Variants in COL4A4 observed in about 807,000 individuals in gnomAD.
The protein encoded by COL4A4 is collagen type IV alpha 4 chain, also known as collagen alpha-4(IV) chain.
COL4A4 carries 105 observed loss-of-function variants against 192.9 expected under a neutral mutation model. That is an observed-to-expected ratio of 0.54 (90% CI 0.46 to 0.64). COL4A4 has a LOEUF of 0.64. Among genes scored for constraint, COL4A4 ranks in the 30% least tolerant of loss-of-function variants. COL4A4 has a pLI of 0.00. For missense variants in COL4A4, 1,967 were observed against 2,169.3 expected (o/e 0.91, Z 1.85); for synonymous variants, 762 against 769.9 (o/e 0.99, Z 0.17).
the COL4A4 span, among the ~76,000 whole-genome samples, chr2:226,974,972 C>T: frequency 6.6e-6 from 1 of 152,202 alleles, no homozygotes; most frequent in Non-Finnish European, 1.5e-5. Context: ...AGTTCCACTG[C>T]TCTGATGGCC....
intron 20 of COL4A4, among the ~76,000 whole-genome samples, chr2:227,090,848 C>A: frequency 6.8e-6 from 1 of 147,908 alleles, no homozygotes. Flanking sequence ...CCAGCAACAA[C>A]CAAGTAAAAG....
At position 227,050,154 on chromosome 2, in the gene COL4A4, G is replaced by C. The variant is rs761389405; in HGVS notation, c.3151-23C>G. ...ACCCTGACAGTTTAATGAAACAAAA[G>C]GCCTTAATCAGATTTCAAATACAAA... On this transcript the variant is annotated intron_variant, in intron 33 of 47. Transcript: ENST00000396625. 6.8e-6 allele frequency: 11 copies of C among 1,606,908 alleles called. No homozygotes were observed. In the Admixed American group the frequency reaches 1.8e-4, roughly 27 times the overall value.
In COL4A4 at chr2:227,120,475, T is replaced by G. The variant is rs776947126; in HGVS notation, c.328-536A>C. Reference sequence around the variant, plus strand: ...TATAATTAATGTCATGTAGGTTTTTTAAAAAGCCATGAAACAATATAACTT... The same window carrying G: ...TATAATTAATGTCATGTAGGTTTTTGAAAAAGCCATGAAACAATATAACTT... On this transcript the variant is annotated intron_variant, in intron 5 of 47. Transcript: ENST00000396625. 4.6e-4 allele frequency among the ~76,000 whole-genome samples: 70 copies of G among 152,274 alleles called. 1 individual carries two copies. The highest frequency in any genetic ancestry group is 7.4e-4 in the Non-Finnish European group (50 of 68,014).
chr2:227,163,112 T>C (rs2064983515), intron 1 of COL4A4, among the ~76,000 whole-genome samples: 1 of 152,194 alleles, frequency 6.6e-6, no homozygotes, highest in Non-Finnish European at 1.5e-5. Context: ...ATTCTTAACC[T>C]GAGGATGGAA....
At chr2:227,021,373 C>G (rs895864691) in intron 44 of COL4A4, among the ~76,000 whole-genome samples, 1 of 152,150 alleles carries the variant, frequency 6.6e-6, no homozygotes, top group Non-Finnish European at 1.5e-5. Flanking sequence ...TGTTTCCGCT[C>G]CACCAAGCCC....
At chr2:227,091,811 G>C (rs898954084) in intron 20 of COL4A4, among the ~76,000 whole-genome samples, 1 of 151,838 alleles carries the variant, frequency 6.6e-6, no homozygotes, top group Non-Finnish European at 1.5e-5. Flanking sequence ...TAGAAGAATC[G>C]CTTGAACCAG....
chr2:227,158,850 A>G (rs918759349), intron 1 of COL4A4, among the ~76,000 whole-genome samples: 1 of 152,178 alleles, frequency 6.6e-6, no homozygotes, highest in Admixed American at 6.5e-5. Context: ...ACTCCTATGC[A>G]TGGTATTCTA....
intron 26 of COL4A4, 30 bp downstream of exon 26, chr2:227,062,500 T>C (rs766139193): frequency 1.5e-6 from 2 of 1,356,292 alleles, no homozygotes; most frequent in South Asian, 2.3e-5. Flanking sequence ...CTGGGAAGTA[T>C]ATAAGACAGT....
intron 1 of COL4A4, among the ~76,000 whole-genome samples, chr2:227,158,242 A>G (rs1472382472): frequency 1.3e-5 from 2 of 152,118 alleles, no homozygotes; most frequent in African/African-American, 2.4e-5. Flanking sequence ...TTAGTGGGGG[A>G]AAAAGTCTTT....
At chr2:227,062,620 G>T (rs780438361) in intron 25 of COL4A4, 22 bp from the exon 26 acceptor site, 16 of 1,583,474 alleles carry the variant, frequency 1.0e-5, no homozygotes, top group Admixed American at 1.7e-5. Context: ...AAAGAAAAGC[G>T]GCATTCACAT....
chr2:227,045,967 T>TTATA (rs1156299053), intron 35 of COL4A4, among the ~76,000 whole-genome samples: 19 of 34,376 alleles, frequency 5.5e-4, no homozygotes, highest in Non-Finnish European at 7.7e-4. Context: ...ATGTATATAT[T>TTATA]TATATGTGTA....
Position 227,094,267 on chromosome 2 carries a change from T to C in COL4A4, c.1227A>G (p.Pro409=). 2 of 1,613,882 alleles carry C rather than the reference T, an allele frequency of 1.2e-6. No individual in the cohort carries two copies. The highest frequency in any genetic ancestry group is 1.7e-6 in the Non-Finnish European group (2 of 1,179,922). ...GCCCAGGAAGACCAGGAAATCCTTG[T>C]GGCCCAGGGGGTCCTATCATGCCTG... ...ACAGMIGPPG[P]QGFPGLPGLP... is the part of the protein sequence containing the mutation. Residue 409 remains proline, a synonymous_variant, in exon 20 of 48, where the codon CCA becomes CCG. Coordinates refer to ENST00000396625, the MANE Select transcript of COL4A4 (RefSeq NM_000092.5).
At chr2:227,012,632 C>CA (rs61163440) in intron 44 of COL4A4, among the ~76,000 whole-genome samples, 1,857 of 110,202 alleles carry the variant, frequency 0.017, 30 homozygotes, top group African/African-American at 0.029. Flanking sequence ...TATTTGACTT[C>CA]AAAAAAAAAA....
chr2:227,104,872 C>T (rs1280878338), intron 12 of COL4A4, among the ~76,000 whole-genome samples: 1 of 151,330 alleles, frequency 6.6e-6, no homozygotes, highest in African/African-American at 2.4e-5. Flanking sequence ...AACTCCGGAC[C>T]TCAGGTGATC....
intron 33 of COL4A4, 63 bp from the exon 34 acceptor site, chr2:227,050,194 C>T (rs1559498709): frequency 7.7e-6 from 11 of 1,427,950 alleles, no homozygotes. Flanking sequence ...ACATGCACAA[C>T]ACGATCCAGT....
At chr2:227,064,554 C>A (rs908452779) in intron 25 of COL4A4, among the ~76,000 whole-genome samples, 18 of 152,214 alleles carry the variant, frequency 1.2e-4, no homozygotes, top group African/African-American at 4.3e-4. Context: ...AAATTCATTG[C>A]AAAAAGACCT....
In COL4A4 at chr2:227,003,485, T is replaced by C. The variant is rs1400319739; in HGVS notation, c.*3840A>G. The C allele has an allele frequency of 6.6e-6, 1 of 152,224 alleles. No individual in the cohort carries two copies. The highest frequency in any genetic ancestry group is 1.9e-4 in the East Asian group (1 of 5,200). 9.4% of individuals were successfully genotyped at this position (152,224 alleles called of 1,614,324 possible). On this transcript the variant is annotated 3_prime_UTR_variant, in exon 48 of 48. Coordinates refer to ENST00000396625, the MANE Select transcript of COL4A4 (RefSeq NM_000092.5). ...CAAGTCCTCTTCTTTCCACTATTCT[T>C]GCAGCCATACCAAGTAAAAGTAACA... is the stretch of plus-strand genomic sequence containing the variant.
intron 8 of COL4A4, among the ~76,000 whole-genome samples, chr2:227,114,311 A>G (rs112154376): frequency 0.035 from 5,295 of 151,436 alleles, 302 homozygotes; most frequent in African/African-American, 0.12. Flanking sequence ...TCAACATCCT[A>G]TAATGCACAA....
At chr2:227,075,112 CA>C (rs1188551719) in intron 25 of COL4A4, among the ~76,000 whole-genome samples, 2 of 152,052 alleles carry the variant, frequency 1.3e-5, no homozygotes, top group Non-Finnish European at 2.9e-5. Flanking sequence ...GAAACTATTC[CA>C]AACAATAGAA....
Sources: allele counts gnomAD v4.1 joint callset (sites outside exome capture counted in the v4.1 genomes callset), GRCh38; gene constraint gnomAD v4.1.1; transcripts MANE v1.5; gene names NCBI Gene and HGNC (gene_info 2026-07-23, HGNC 2026-07-21).